DPYD: variants seen among roughly 807,000 people sequenced by gnomAD.
DPYD encodes dihydropyrimidine dehydrogenase [NADP(+)].
A neutral mutation model predicts 116.2 loss-of-function variants in DPYD; 109 were observed. The observed-to-expected ratio is 0.94, with a 90% CI of 0.80 to 1.10. The LOEUF is 1.10. Ranked by LOEUF, DPYD falls within the 50% of genes least tolerant of loss-of-function variation. The pLI, the probability that DPYD is intolerant of heterozygous loss-of-function variation, is 0.00. For missense variants in DPYD, 1,302 were observed against 1,254.5 expected, an observed-to-expected ratio of 1.04 and a Z score of -0.57; for synonymous variants, 440 against 432.0, an observed-to-expected ratio of 1.02 and a Z score of -0.23.
intron 8 of DPYD, among the ~76,000 whole-genome samples, chr1:97,648,751 G>C (rs1184333958): frequency 6.6e-6 from 1 of 151,858 alleles, no homozygotes; most frequent in African/African-American, 2.4e-5. Flanking sequence ...AGTCCTGTGA[G>C]GCAAATTATA....
chr1:97,512,142 G>A (rs1465778207), intron 13 of DPYD, among the ~76,000 whole-genome samples: 1 of 151,864 alleles, frequency 6.6e-6, no homozygotes, highest in Non-Finnish European at 1.5e-5. Flanking sequence ...GAATATTTAT[G>A]AAACATTTAT....
At chr1:97,808,003 G>C (rs1668158768) in intron 3 of DPYD, among the ~76,000 whole-genome samples, 1 of 152,032 alleles carries the variant, frequency 6.6e-6, no homozygotes, top group South Asian at 2.1e-4. Context: ...ACACCACATT[G>C]CCTTGACTAC....
At chr1:97,405,728 T>TGGTC (rs1673619762) in intron 14 of DPYD, among the ~76,000 whole-genome samples, 1 of 152,120 alleles carries the variant, frequency 6.6e-6, no homozygotes, top group Non-Finnish European at 1.5e-5. Flanking sequence ...TTGGCCAGGC[T>TGGTC]GGTCTCTTAA....
At chr1:97,228,288 G>A (rs903999798) in intron 19 of DPYD, among the ~76,000 whole-genome samples, 16 of 151,786 alleles carry the variant, frequency 1.1e-4, no homozygotes, top group African/African-American at 3.6e-4. Flanking sequence ...GAAGGTATGC[G>A]CTATCACACT....
intron 14 of DPYD, among the ~76,000 whole-genome samples, chr1:97,446,834 A>G (rs114843736): frequency 0.017 from 2,594 of 152,266 alleles, 38 homozygotes; most frequent in Non-Finnish European, 0.026. Flanking sequence ...AGCCCTAGTT[A>G]TTCTGCACAT....
intron 1 of DPYD, among the ~76,000 whole-genome samples, chr1:97,899,104 T>A (rs1673229031): frequency 1.3e-5 from 2 of 151,746 alleles, no homozygotes; most frequent in African/African-American, 4.8e-5. Context: ...TTGTTTTGTT[T>A]TTTTTTTTAA....
chr1:97,548,081 A>G (rs1004864769), intron 12 of DPYD, among the ~76,000 whole-genome samples: 2 of 152,188 alleles, frequency 1.3e-5, no homozygotes, highest in Non-Finnish European at 2.9e-5. Context: ...AGATAAAGTG[A>G]ATTTTGTTAG....
chr1:97,252,718 T>A (rs949745969), intron 18 of DPYD, among the ~76,000 whole-genome samples: 3 of 152,124 alleles, frequency 2.0e-5, no homozygotes, highest in Non-Finnish European at 2.9e-5. Context: ...TCAACAGAAA[T>A]CATATTAAAC....
chr1:97,731,340 T>C (rs887187160), intron 4 of DPYD, among the ~76,000 whole-genome samples: 48 of 152,182 alleles, frequency 3.2e-4, no homozygotes, highest in Admixed American at 6.5e-4. Context: ...TTTAAACCCA[T>C]TAATAGCTTC....
chr1:97,088,342 C>T (rs990253250), intron 21 of DPYD, among the ~76,000 whole-genome samples: 1 of 152,160 alleles, frequency 6.6e-6, no homozygotes, highest in Non-Finnish European at 1.5e-5. Context: ...CTTTAGCTGC[C>T]ATTTTCTTCA....
chr1:97,082,382 A>G lies in DPYD; in HGVS notation c.2855T>C (p.Met952Thr), dbSNP rs1304303432. Reference protein sequence around the residue: ...EQVVAMIDEEMCINCGKCYMT... With the variant: ...EQVVAMIDEETCINCGKCYMT... ...GTAGCATTTACCACAGTTGATACACATTTCTTCATCAATCATAGCCACAAC... is the reference window on the plus strand; with the variant it reads ...GTAGCATTTACCACAGTTGATACACGTTTCTTCATCAATCATAGCCACAAC... The change falls in exon 22 of 23, where the codon ATG becomes ACG. Residue 952 changes from methionine to threonine, a missense_variant. Met to Thr is a moderately conservative substitution (Grantham distance 81, BLOSUM62 -1). Coordinates refer to ENST00000370192, the MANE Select transcript of DPYD (RefSeq NM_000110.4). 6.2e-7 allele frequency: 1 copy of G among 1,613,500 alleles called. No homozygotes were observed. Among genetic ancestry groups the G allele is most frequent in the Non-Finnish European group, 8.5e-7 (1 of 1,179,648 alleles).
At chr1:97,249,914 C>T (rs187327140) in intron 18 of DPYD, among the ~76,000 whole-genome samples, 130 of 152,286 alleles carry the variant, frequency 8.5e-4, no homozygotes, top group African/African-American at 3.0e-3. Context: ...AGACTGATAA[C>T]ACCAAATGTT....
chr1:97,577,392 C>A (rs1653335962), intron 10 of DPYD, among the ~76,000 whole-genome samples: 1 of 152,154 alleles, frequency 6.6e-6, no homozygotes, highest in South Asian at 2.1e-4. Flanking sequence ...ACAGTGACTG[C>A]CTCTCAGTCA....
intron 13 of DPYD, among the ~76,000 whole-genome samples, chr1:97,493,842 G>T (rs67500842): frequency 2.0e-5 from 3 of 152,042 alleles, no homozygotes; most frequent in African/African-American, 7.2e-5. Flanking sequence ...ATTATTGATC[G>T]ATTTCTATAA....
At chr1:97,082,858 T>C (rs920057768) in intron 21 of DPYD, among the ~76,000 whole-genome samples, 2 of 152,160 alleles carry the variant, frequency 1.3e-5, no homozygotes, top group African/African-American at 2.4e-5. Context: ...GGTAATACAC[T>C]ATGCTAGAAA....
intron 3 of DPYD, among the ~76,000 whole-genome samples, chr1:97,758,059 A>T (rs1018889851): frequency 1.3e-5 from 2 of 152,182 alleles, no homozygotes; most frequent in Admixed American, 1.3e-4. Flanking sequence ...CTTCAGTCAT[A>T]GGGCAATCAA....
At chr1:97,659,248 AACAGGT>A (rs1659115561) in intron 8 of DPYD, among the ~76,000 whole-genome samples, 1 of 152,210 alleles carries the variant, frequency 6.6e-6, no homozygotes. Flanking sequence ...AATGCGTAAT[AACAGGT>A]ACCTAGACAG....
intron 5 of DPYD, among the ~76,000 whole-genome samples, chr1:97,709,193 A>T (rs1662150016): frequency 1.3e-5 from 2 of 151,776 alleles, no homozygotes; most frequent in South Asian, 4.1e-4. Context: ...TATCACTTGG[A>T]CTATTTTAAG....
chr1:97,291,698 G>C (rs915332528), intron 18 of DPYD, among the ~76,000 whole-genome samples: 165 of 151,646 alleles, frequency 1.1e-3, no homozygotes, highest in African/African-American at 4.0e-3. Context: ...GGGGTGGGGG[G>C]AGTGGGGAGG....
Sources: allele counts gnomAD v4.1 joint callset (sites outside exome capture counted in the v4.1 genomes callset), GRCh38; gene constraint gnomAD v4.1.1; transcripts MANE v1.5; gene names NCBI Gene and HGNC (gene_info 2026-07-23, HGNC 2026-07-21).